The following ADAMTS12 variants were observed in gnomAD, a reference collection of about 807,000 sequenced individuals.
ADAMTS12 encodes ADAM metallopeptidase with thrombospondin type 1 motif 12, also known as A disintegrin and metalloproteinase with thrombospondin motifs 12.
A neutral mutation model predicts 167.8 loss-of-function variants in ADAMTS12; 118 were observed. That is an observed-to-expected ratio of 0.70 (90% CI 0.61 to 0.82). The LOEUF (loss-of-function observed/expected upper bound fraction) is 0.82, where lower values mean the gene tolerates loss of function less well. Ranked by LOEUF, ADAMTS12 falls within the 40% of genes least tolerant of loss-of-function variation. The pLI is 0.00. For synonymous variants in ADAMTS12, 704 were observed against 716.9 expected (o/e 0.98, Z 0.29); for missense variants, 1,916 against 1,998.8 (o/e 0.96, Z 0.79).
intron 3 of ADAMTS12, among the ~76,000 whole-genome samples, chr5:33,749,458 TC>T: frequency 6.6e-6 from 1 of 151,956 alleles, no homozygotes; most frequent in Non-Finnish European, 1.5e-5. Context: ...CAAAGGTTCT[TC>T]TAGTAGAGCT....
Position 33,549,292 on chromosome 5 carries a change from T to C in ADAMTS12, c.4217A>G (p.Gln1406Arg), listed in dbSNP as rs745334642. The C allele has an allele frequency of 1.2e-6, 2 of 1,614,114 alleles. No individual in the cohort carries two copies. The highest frequency in any genetic ancestry group is 1.7e-6 in the Non-Finnish European group (2 of 1,179,998). Residue 1406 changes from glutamine to arginine, a missense_variant, in exon 21 of 24, where the codon CAG (glutamine) becomes CGG (arginine). Coordinates refer to ENST00000504830, the MANE Select transcript of ADAMTS12 (RefSeq NM_030955.4). ...DHRNLRPFHC[Q>R]FLAGIPPPLS... ...TGGGGGAGGAATGCCGGCCAGGAAC[T>C]GGCAGTGAAATGGCCTCAGGTTCCG...
chr5:33,597,857 T>G (rs1737983469), intron 16 of ADAMTS12, among the ~76,000 whole-genome samples: 1 of 152,160 alleles, frequency 6.6e-6, no homozygotes, highest in African/African-American at 2.4e-5. Flanking sequence ...CTTAGAAGTT[T>G]CATTAAAGCT....
intron 12 of ADAMTS12, among the ~76,000 whole-genome samples, chr5:33,632,399 A>ACAAACAAACAAG (rs1554029949): frequency 5.3e-5 from 8 of 151,994 alleles, no homozygotes; most frequent in African/African-American, 9.7e-5. Context: ...GAATCCAAAA[A>ACAAACAAACAAG]CAAACAAACA....
At chr5:33,573,838 A>G (rs1010885537) in intron 19 of ADAMTS12, among the ~76,000 whole-genome samples, 3 of 152,244 alleles carry the variant, frequency 2.0e-5, no homozygotes, top group Non-Finnish European at 2.9e-5. Context: ...AATGTTCGCA[A>G]CCTACTCATC....
At chr5:33,659,889 G>A (rs1216034764) in intron 6 of ADAMTS12, among the ~76,000 whole-genome samples, 1 of 152,180 alleles carries the variant, frequency 6.6e-6, no homozygotes, top group African/African-American at 2.4e-5. Context: ...TTTCAGGCAA[G>A]TGGTTTTCAA....
chr5:33,606,938 G>A (rs1041143559), intron 16 of ADAMTS12, among the ~76,000 whole-genome samples: 5 of 152,052 alleles, frequency 3.3e-5, no homozygotes, highest in Non-Finnish European at 5.9e-5. Flanking sequence ...CTTTGTCAAA[G>A]GAATGCCAGT....
intron 19 of ADAMTS12, among the ~76,000 whole-genome samples, chr5:33,573,441 T>C (rs1191042691): frequency 2.0e-5 from 3 of 152,012 alleles, no homozygotes; most frequent in African/African-American, 7.2e-5. Flanking sequence ...TCAGAAATAA[T>C]GCCACGTATC....
intron 2 of ADAMTS12, among the ~76,000 whole-genome samples, chr5:33,874,984 C>T (rs546904861): frequency 6.6e-6 from 1 of 152,280 alleles, no homozygotes; most frequent in East Asian, 1.9e-4. Flanking sequence ...AGGACAGTTG[C>T]TTGAACCAGG....
intron 2 of ADAMTS12, among the ~76,000 whole-genome samples, chr5:33,848,997 T>C (rs1749061236): frequency 6.7e-6 from 1 of 150,232 alleles, no homozygotes; most frequent in Non-Finnish European, 1.5e-5. Context: ...ATATATGTAT[T>C]GCATAGCAAT....
chr5:33,864,094 TA>T (rs1749722199), intron 2 of ADAMTS12, among the ~76,000 whole-genome samples: 2 of 152,000 alleles, frequency 1.3e-5, no homozygotes, highest in Admixed American at 1.3e-4. Flanking sequence ...CCTAAAACCA[TA>T]AAAACCCTAG....
intron 5 of ADAMTS12, among the ~76,000 whole-genome samples, chr5:33,678,113 G>A (rs189530947): frequency 7.9e-5 from 12 of 152,236 alleles, no homozygotes; most frequent in Middle Eastern, 6.8e-3. Flanking sequence ...ACCCAATCTC[G>A]GGATTCCCCA....
At chr5:33,796,443 T>G (rs1201404237) in intron 2 of ADAMTS12, among the ~76,000 whole-genome samples, 1 of 152,244 alleles carries the variant, frequency 6.6e-6, no homozygotes, top group Non-Finnish European at 1.5e-5. Flanking sequence ...TACATTTCAT[T>G]TTAAAATTAT....
rs188497764 is a variant in ADAMTS12 at position 33,615,465 on chromosome 5, C to T, written c.2388+363G>A. Among the ~76,000 whole-genome samples the T allele has an allele frequency of 2.9e-3, 445 of 152,286 alleles. 9 individuals are homozygous for T. Among genetic ancestry groups the T allele is most frequent in the Middle Eastern group, 3.4e-3 (1 of 294 alleles). ...GAATTTCACAAAGCCAAATGCTTTG[C>T]TTGAGGACAACACAGAGTAACATGT... On this transcript the variant is annotated intron_variant, in intron 15 of 23. Transcript: ENST00000504830.
intron 2 of ADAMTS12, among the ~76,000 whole-genome samples, chr5:33,794,176 G>T (rs1183136685): frequency 6.6e-6 from 1 of 152,130 alleles, no homozygotes; most frequent in Non-Finnish European, 1.5e-5. Context: ...AACTTCTCCC[G>T]CAAACAGACC....
At chr5:33,878,400 T>C (rs138519113) in intron 2 of ADAMTS12, among the ~76,000 whole-genome samples, 1 of 152,290 alleles carries the variant, frequency 6.6e-6, no homozygotes, top group Non-Finnish European at 1.5e-5. Flanking sequence ...AAATTTCCCA[T>C]CATCTTAACT....
chr5:33,845,443 A>G (rs569107795), intron 2 of ADAMTS12, among the ~76,000 whole-genome samples: 5 of 152,374 alleles, frequency 3.3e-5, no homozygotes, highest in African/African-American at 1.2e-4. Flanking sequence ...AGATAATTGA[A>G]TATCATCATA....
At chr5:33,867,766 AT>A (rs943085027) in intron 2 of ADAMTS12, among the ~76,000 whole-genome samples, 1 of 152,284 alleles carries the variant, frequency 6.6e-6, no homozygotes, top group East Asian at 1.9e-4. Flanking sequence ...TTCTTACAGA[AT>A]TTTTTTATCT....
At chr5:33,860,259 A>C (rs960642866) in intron 2 of ADAMTS12, among the ~76,000 whole-genome samples, 1 of 152,172 alleles carries the variant, frequency 6.6e-6, no homozygotes, top group Non-Finnish European at 1.5e-5. Context: ...GAAGCTAAGA[A>C]CCTTAAAAAA....
intron 2 of ADAMTS12, among the ~76,000 whole-genome samples, chr5:33,834,920 G>A (rs1748447548): frequency 6.6e-6 from 1 of 152,210 alleles, no homozygotes; most frequent in Admixed American, 6.5e-5. Context: ...GAATGGTGGA[G>A]TCCCAATGGC....
Sources: allele counts gnomAD v4.1 joint callset (sites outside exome capture counted in the v4.1 genomes callset), GRCh38; gene constraint gnomAD v4.1.1; transcripts MANE v1.5; gene names NCBI Gene and HGNC (gene_info 2026-07-23, HGNC 2026-07-21).